Variants in HCRTR2 observed in about 807,000 individuals in gnomAD.
HCRTR2 encodes hypocretin receptor 2, also known as orexin receptor type 2.
A neutral mutation model predicts 49.0 loss-of-function variants in HCRTR2; 22 were observed. The ratio of observed to expected loss-of-function variants is 0.45; its 90% CI spans 0.32 to 0.64. HCRTR2 has a LOEUF of 0.64. Ranked by LOEUF, HCRTR2 falls within the 30% of genes least tolerant of loss-of-function variation. The pLI is 0.04. For synonymous variants in HCRTR2, 236 were observed against 205.3 expected, an observed-to-expected ratio of 1.15 and a Z score of -1.28; for missense variants, 491 against 559.4, an observed-to-expected ratio of 0.88 and a Z score of 1.23.
At chr6:55,153,093 A>C (rs1421605989) in intron 1 of HCRTR2, among the ~76,000 whole-genome samples, 1 of 151,760 alleles carries the variant, frequency 6.6e-6, no homozygotes, top group Admixed American at 6.6e-5. Flanking sequence ...ATCCGACTTG[A>C]TTTTATTTTT....
chr6:55,259,092 G>A (rs1439670319), intron 3 of HCRTR2, among the ~76,000 whole-genome samples: 3 of 151,986 alleles, frequency 2.0e-5, no homozygotes. Context: ...CTCAATCAAA[G>A]TTATATTTTC....
intron 1 of HCRTR2, among the ~76,000 whole-genome samples, chr6:55,168,057 C>A (rs545047114): frequency 6.0e-4 from 92 of 152,260 alleles, no homozygotes; most frequent in Non-Finnish European, 1.0e-3. Flanking sequence ...GGAATTACTC[C>A]CTTCAATTGA....
intron 1 of HCRTR2, among the ~76,000 whole-genome samples, chr6:55,155,485 T>G (rs1764718316): frequency 1.3e-5 from 2 of 151,982 alleles, no homozygotes; most frequent in Non-Finnish European, 2.9e-5. Context: ...TTCACATCAT[T>G]ACTAGCAATC....
At chr6:55,284,337 GT>G (rs1767245403), downstream of HCRTR2, among the ~76,000 whole-genome samples, 1 of 152,114 alleles carries the variant, frequency 6.6e-6, no homozygotes, top group Non-Finnish European at 1.5e-5. Context: ...TCAAAATGTG[GT>G]TTCTATACCA....
chr6:55,114,213 C>T (rs565897809), intron 1 of HCRTR2, among the ~76,000 whole-genome samples: 60 of 151,664 alleles, frequency 4.0e-4, no homozygotes, highest in Non-Finnish European at 7.2e-4. Flanking sequence ...TCTCAGAAAT[C>T]ACCACAAAAA....
At chr6:55,260,405 G>T (rs1766732235) in intron 3 of HCRTR2, among the ~76,000 whole-genome samples, 1 of 152,140 alleles carries the variant, frequency 6.6e-6, no homozygotes, top group South Asian at 2.1e-4. Flanking sequence ...TGTAGGCTGT[G>T]GCACTTCAAA....
At chr6:55,123,495 A>G (rs1764230876) in intron 1 of HCRTR2, among the ~76,000 whole-genome samples, 1 of 152,094 alleles carries the variant, frequency 6.6e-6, no homozygotes, top group African/African-American at 2.4e-5. Context: ...TGTGGTGGAT[A>G]AGCTTTTTGA....
At chr6:55,259,987 C>G (rs1766724526) in intron 3 of HCRTR2, among the ~76,000 whole-genome samples, 1 of 152,096 alleles carries the variant, frequency 6.6e-6, no homozygotes, top group Non-Finnish European at 1.5e-5. Context: ...CTATCCTACC[C>G]TGGAAGGATA....
chr6:55,178,739 C>T (rs955580545), intron 1 of HCRTR2, among the ~76,000 whole-genome samples: 2 of 152,192 alleles, frequency 1.3e-5, no homozygotes, highest in Admixed American at 6.5e-5. Context: ...TCCTTTTCCA[C>T]ACTAGCTCCA....
intron 1 of HCRTR2, among the ~76,000 whole-genome samples, chr6:55,134,633 C>T (rs2127249413): frequency 6.6e-6 from 1 of 152,000 alleles, no homozygotes; most frequent in East Asian, 1.9e-4. Flanking sequence ...ATTTTCTCCA[C>T]TGCCCTCCCT....
intron 1 of HCRTR2, among the ~76,000 whole-genome samples, chr6:55,210,475 A>G (rs180879855): frequency 3.0e-4 from 45 of 152,298 alleles, no homozygotes; most frequent in Admixed American, 4.6e-4. Context: ...TTTTCTTAAA[A>G]TTTATACTAC....
intron 1 of HCRTR2, among the ~76,000 whole-genome samples, chr6:55,217,205 G>T (rs902671558): frequency 6.6e-6 from 1 of 151,994 alleles, no homozygotes; most frequent in Non-Finnish European, 1.5e-5. Context: ...TCATGAGAGG[G>T]GGCAGTCTTA....
intron 3 of HCRTR2, among the ~76,000 whole-genome samples, chr6:55,257,644 C>T (rs1766678357): frequency 6.6e-6 from 1 of 151,418 alleles, no homozygotes; most frequent in African/African-American, 2.4e-5. Context: ...TTTTAAATTA[C>T]CTCTGAGTGG....
intron 1 of HCRTR2, among the ~76,000 whole-genome samples, chr6:55,134,189 T>C (rs936679837): frequency 6.6e-5 from 10 of 151,078 alleles, no homozygotes; most frequent in Admixed American, 2.0e-4. Flanking sequence ...TCCTTTTAAG[T>C]TGAGGAGACT....
intron 1 of HCRTR2, among the ~76,000 whole-genome samples, chr6:55,235,861 G>A (rs893809738): frequency 4.0e-5 from 6 of 151,676 alleles, no homozygotes; most frequent in African/African-American, 1.5e-4. Flanking sequence ...CTATTCCCTT[G>A]ATCTACATTT....
Position 55,120,520 on chromosome 6 carries a change from C to G in HCRTR2, c.-378+13975C>G, listed in dbSNP as rs143116604. On this transcript the variant is annotated intron_variant, in intron 1 of 7. Transcript: ENST00000615358. ...GGTATTTTATTCTCTTTGTAGCAGT[C>G]GTGAATGGGAGTTCACTCATGATTT... Among the ~76,000 whole-genome samples, 233 of 150,786 alleles carry G rather than the reference C, an allele frequency of 1.5e-3. 1 individual carries two copies. The highest frequency in any genetic ancestry group is 5.1e-3 in the African/African-American group (207 of 40,472).
intron 1 of HCRTR2, among the ~76,000 whole-genome samples, chr6:55,192,413 G>GCGCGCGCA (rs139180472): frequency 1.6e-5 from 2 of 128,450 alleles, no homozygotes; most frequent in African/African-American, 2.9e-5. Flanking sequence ...GCGCGCGCGC[G>GCGCGCGCA]CACACACACA....
intron 1 of HCRTR2, among the ~76,000 whole-genome samples, chr6:55,244,986 T>C (rs185766512): frequency 2.5e-4 from 38 of 152,208 alleles, no homozygotes; most frequent in African/African-American, 9.1e-4. Context: ...TGTGGTTTTA[T>C]TTCTGGGTTT....
At chr6:55,273,959 A>T (rs909785545) in intron 4 of HCRTR2, among the ~76,000 whole-genome samples, 9 of 151,320 alleles carry the variant, frequency 5.9e-5, no homozygotes, top group African/African-American at 2.2e-4. Flanking sequence ...ATGAGTTTTT[A>T]TAAGTCTTGC....
Sources: allele counts gnomAD v4.1 joint callset (sites outside exome capture counted in the v4.1 genomes callset), GRCh38; gene constraint gnomAD v4.1.1; transcripts MANE v1.5; gene names NCBI Gene and HGNC (gene_info 2026-07-23, HGNC 2026-07-21).